Variants in COL23A1 observed in about 807,000 individuals in gnomAD.
The protein encoded by COL23A1 is collagen alpha-1(XXIII) chain.
In COL23A1, 97 loss-of-function variants were observed where a neutral mutation model predicts 99.3. That is an observed-to-expected ratio of 0.98 (90% CI 0.83 to 1.16). The LOEUF is 1.16. Among genes scored for constraint, COL23A1 ranks in the 50% most tolerant of loss-of-function variants. COL23A1 has a pLI of 0.00. For synonymous variants in COL23A1, 320 were observed against 308.2 expected, an observed-to-expected ratio of 1.04 and a Z score of -0.40; for missense variants, 762 against 757.4, an observed-to-expected ratio of 1.01 and a Z score of -0.07.
chr5:178,321,151 A>G (rs1472214698), intron 2 of COL23A1, among the ~76,000 whole-genome samples: 1 of 152,238 alleles, frequency 6.6e-6, no homozygotes, highest in African/African-American at 2.4e-5. Flanking sequence ...ACATAGCATG[A>G]AAGGTCCCAT....
At chr5:178,583,017 C>A (rs1387637164) in intron 1 of COL23A1, among the ~76,000 whole-genome samples, 2 of 152,212 alleles carry the variant, frequency 1.3e-5, no homozygotes, top group African/African-American at 2.4e-5. Flanking sequence ...CCTGGCCCTG[C>A]GTGCTCTTCC....
chr5:178,384,889 A>G lies in COL23A1; in HGVS notation c.362-77970T>C, dbSNP rs1763586952. ...CGGGAAATAGCCTGCAAGGAGGAAG[A>G]GCGCGGTGAGAGGTCAAATGGGTGG... On this transcript the variant is annotated intron_variant, in intron 2 of 28. Coordinates refer to ENST00000390654, the MANE Select transcript of COL23A1 (RefSeq NM_173465.4). The surrounding 1 kb of genome is among the most constrained non-coding windows in gnomAD (Gnocchi z 5.5). Among the ~76,000 whole-genome samples, 1 of 152,106 alleles carries G rather than the reference A, an allele frequency of 6.6e-6. No individual in the cohort carries two copies. The highest frequency in any genetic ancestry group is 1.5e-5 in the Non-Finnish European group (1 of 68,014).
intron 13 of COL23A1, 91 bp from the exon 14 acceptor site, chr5:178,257,019 C>G: frequency 8.1e-7 from 1 of 1,240,372 alleles, no homozygotes; most frequent in Non-Finnish European, 1.1e-6. Flanking sequence ...TGCCTGAAGC[C>G]TCGCGATTAG....
intron 2 of COL23A1, chr5:178,352,358 G>T (rs907706630): frequency 6.6e-6 from 1 of 152,178 alleles, no homozygotes; most frequent in African/African-American, 2.4e-5. Context: ...TGCTATTAAA[G>T]AAATTTAACA....
rs947705986 is a variant in COL23A1, at chr5:178,308,870, C to T, written c.362-1951G>A. ...TCTCTGGGCCTGTTTTCAATGAGAG[C>T]GAGGTACGGGAACGGGAGCCCCCCG... On this transcript the variant is annotated intron_variant, in intron 2 of 28. Transcript: ENST00000390654. The surrounding 1 kb of genome is among the most constrained non-coding windows in gnomAD (Gnocchi z 5.1). Among the ~76,000 whole-genome samples, 3 of 152,108 alleles carry T rather than the reference C, an allele frequency of 2.0e-5. No homozygotes were observed.
chr5:178,247,576 G>T (rs1180250032), intron 21 of COL23A1, 24 bp from the exon 22 acceptor site: 4 of 1,613,678 alleles, frequency 2.5e-6, no homozygotes. Flanking sequence ...AAGCAGATAA[G>T]AAGGCTGGCT....
chr5:178,411,043 T>C (rs1185185698), intron 2 of COL23A1, among the ~76,000 whole-genome samples: 1 of 152,198 alleles, frequency 6.6e-6, no homozygotes, highest in Non-Finnish European at 1.5e-5. Flanking sequence ...TATGAAAAGA[T>C]GCTCAACACT....
intron 2 of COL23A1, among the ~76,000 whole-genome samples, chr5:178,546,631 G>A (rs1761596100): frequency 6.6e-6 from 1 of 152,220 alleles, no homozygotes; most frequent in Admixed American, 6.5e-5. Context: ...GAGGGTTCAC[G>A]AGGGCAGAGT....
chr5:178,556,904 G>C (rs1762305606), intron 2 of COL23A1, among the ~76,000 whole-genome samples: 1 of 152,148 alleles, frequency 6.6e-6, no homozygotes, highest in Non-Finnish European at 1.5e-5. Flanking sequence ...AGTGAGCTGA[G>C]ATCGCGCCAT....
chr5:178,314,533 C>A (rs978676975), intron 2 of COL23A1, among the ~76,000 whole-genome samples: 2 of 152,072 alleles, frequency 1.3e-5, no homozygotes, highest in African/African-American at 2.4e-5. Flanking sequence ...TGGTAGGTGT[C>A]CCCAGTGTCA....
intron 2 of COL23A1, among the ~76,000 whole-genome samples, chr5:178,392,244 T>TTA (rs1764007772): frequency 6.6e-6 from 1 of 151,822 alleles, no homozygotes; most frequent in Non-Finnish European, 1.5e-5. Context: ...GTATAGTGAG[T>TTA]TATATCCTAA....
chr5:178,325,960 G>C (rs1759628427), intron 2 of COL23A1, among the ~76,000 whole-genome samples: 1 of 152,154 alleles, frequency 6.6e-6, no homozygotes. Context: ...GAGCCGCCGG[G>C]GTCTTTCTAG....
chr5:178,371,089 T>C (rs184082515), intron 2 of COL23A1, among the ~76,000 whole-genome samples: 2 of 152,312 alleles, frequency 1.3e-5, no homozygotes, highest in East Asian at 3.9e-4. Flanking sequence ...GAGGTTGACG[T>C]CTCTCTCTGC....
At chr5:178,258,236 A>AAT (rs70994992) in intron 12 of COL23A1, among the ~76,000 whole-genome samples, 4,865 of 71,692 alleles carry the variant, frequency 0.068, 491 homozygotes, top group East Asian at 0.21. Context: ...CCTGTCTTAA[A>AAT]ATATATATAT....
intron 2 of COL23A1, among the ~76,000 whole-genome samples, chr5:178,462,459 G>C (rs888508920): frequency 6.6e-6 from 1 of 152,178 alleles, no homozygotes; most frequent in African/African-American, 2.4e-5. Flanking sequence ...AAGAACAAAA[G>C]AGAAGAATCT....
intron 2 of COL23A1, among the ~76,000 whole-genome samples, chr5:178,392,800 T>A (rs1429887054): frequency 6.6e-6 from 1 of 152,082 alleles, no homozygotes. Flanking sequence ...AAATGCCACA[T>A]TAGAAGAGGA....
At chr5:178,441,876 C>G (rs1766888001) in intron 2 of COL23A1, among the ~76,000 whole-genome samples, 2 of 152,052 alleles carry the variant, frequency 1.3e-5, no homozygotes, top group Non-Finnish European at 2.9e-5. Context: ...CCTGTGGGCC[C>G]CAAGTCATCA....
chr5:178,315,537 T>C (rs1189826625), intron 2 of COL23A1, among the ~76,000 whole-genome samples: 1 of 152,168 alleles, frequency 6.6e-6, no homozygotes, highest in Non-Finnish European at 1.5e-5. Flanking sequence ...CCTAAGTTCT[T>C]CCTTTTCAGG....
chr5:178,383,657 G>T (rs1233469704), intron 2 of COL23A1, among the ~76,000 whole-genome samples: 1 of 152,214 alleles, frequency 6.6e-6, no homozygotes, highest in Non-Finnish European at 1.5e-5. Context: ...GTGGGAACCT[G>T]GGCCCTCGGC....
Sources: gnomAD v4.1 joint callset for allele counts (sites outside exome capture counted in the v4.1 genomes callset) on GRCh38, gnomAD v4.1.1 for gene constraint, Gnocchi (gnomAD v3.1) non-coding constraint, MANE v1.5 for transcripts, NCBI Gene and HGNC (gene_info 2026-07-23, HGNC 2026-07-21) for gene names.